Variants in MIB1 observed in about 807,000 individuals in gnomAD.
MIB1 encodes MIB E3 ubiquitin protein ligase 1.
Under a neutral mutation model 124.5 loss-of-function variants are expected in MIB1, and 278 were observed. The observed-to-expected ratio is 2.23, with a 90% CI of 2.02 to 2.47. The LOEUF (loss-of-function observed/expected upper bound fraction) is 2.47, where lower values mean the gene tolerates loss of function less well. Among genes scored for constraint, MIB1 ranks in the 30% most tolerant of loss-of-function variants. MIB1 has a pLI of 0.00. For synonymous variants in MIB1, 446 were observed against 429.4 expected, an observed-to-expected ratio of 1.04 and a Z score of -0.48; for missense variants, 957 against 1,254.4, an observed-to-expected ratio of 0.76 and a Z score of 3.58.
intron 1 of MIB1, among the ~76,000 whole-genome samples, chr18:21,730,234 C>T (rs2040762342): frequency 6.6e-6 from 1 of 152,098 alleles, no homozygotes; most frequent in Non-Finnish European, 1.5e-5. Flanking sequence ...CTTTCTTCGG[C>T]TCATATTTCT....
rs1475372146 is a variant in MIB1 at position 21,870,773 on chromosome 18, A to G, written c.*6107A>G. ...TTTAAGAGGAAAAACATCTGAAAAA[A>G]TATCTTTTGTTTATTTGAAAAAAGC... On this transcript the variant is annotated 3_prime_UTR_variant, in exon 21 of 21. Coordinates refer to ENST00000261537, the MANE Select transcript of MIB1 (RefSeq NM_020774.4). 1 of 152,200 alleles carries G rather than the reference A, an allele frequency of 6.6e-6. No homozygotes were observed. Among genetic ancestry groups the G allele is most frequent in the Non-Finnish European group, 1.5e-5 (1 of 68,024 alleles). 9.4% of individuals were successfully genotyped at this position (152,200 alleles called of 1,614,324 possible).
chr18:21,796,528 C>G (rs374658848), intron 7 of MIB1, among the ~76,000 whole-genome samples: 1 of 152,136 alleles, frequency 6.6e-6, no homozygotes, highest in African/African-American at 2.4e-5. Context: ...CAAACCTGCA[C>G]TTTCTGCACA....
chr18:21,769,287 T>TG, intron 3 of MIB1, among the ~76,000 whole-genome samples: 1 of 152,190 alleles, frequency 6.6e-6, no homozygotes, highest in South Asian at 2.1e-4. Flanking sequence ...TGGCAGGGAA[T>TG]GGGGGTGAAG....
chr18:21,869,795 GA>G lies in MIB1; in HGVS notation c.*5139del, dbSNP rs35282916. The G allele has an allele frequency of 0.95, 143,868 of 151,166 alleles. 68,620 individuals are homozygous for G. The highest frequency in any genetic ancestry group is 0.99 in the Middle Eastern group (292 of 294). 9.4% of individuals were successfully genotyped at this position (151,166 alleles called of 1,614,324 possible). ...AGATTGTCTTCCCCTCAAATGAGGG[GA>G]AAAAAAAAAGACCCTTTGTTCAAAT... On this transcript the variant is annotated 3_prime_UTR_variant, in exon 21 of 21. Coordinates refer to ENST00000261537, the MANE Select transcript of MIB1 (RefSeq NM_020774.4).
intron 1 of MIB1, among the ~76,000 whole-genome samples, chr18:21,717,461 C>T (rs928057983): frequency 6.6e-6 from 1 of 152,092 alleles, no homozygotes; most frequent in African/African-American, 2.4e-5. Flanking sequence ...AACAGACAAC[C>T]CACAGAGTGG....
chr18:21,749,641 C>CTTTTTTTTTTTTT lies in MIB1; in HGVS notation c.229+7833_229+7845dup, dbSNP rs10653364. 2.3e-4 allele frequency among the ~76,000 whole-genome samples: 26 copies of CTTTTTTTTTTTTT among 114,536 alleles called. 1 individual carries two copies. The highest frequency in any genetic ancestry group is 4.6e-4 in the African/African-American group (11 of 23,830). The allele number at this position is 114,536 out of a possible 152,430, so 75.1% of individuals were successfully genotyped here. A position where few individuals can be genotyped will look rare whatever the true frequency, so the allele number is the denominator to read the frequency against. ...TTTTTCTAATTACTGCTACCTTACTCTTTTTTTTTTTTTTTTGAAATGGAG... is the reference window on the plus strand; with the variant it reads ...TTTTTCTAATTACTGCTACCTTACTCTTTTTTTTTTTTTTTTTTTTTTTTTTTTTGAAATGGAG... On this transcript the variant is annotated intron_variant, in intron 1 of 20. Coordinates refer to ENST00000261537, the MANE Select transcript of MIB1 (RefSeq NM_020774.4).
chr18:21,837,062 A>G (rs2042040035), intron 12 of MIB1, among the ~76,000 whole-genome samples: 1 of 152,216 alleles, frequency 6.6e-6, no homozygotes, highest in Non-Finnish European at 1.5e-5. Flanking sequence ...TAATAGGTAA[A>G]GATTTTGACA....
At chr18:21,724,757 T>A (rs1361886703) in intron 1 of MIB1, among the ~76,000 whole-genome samples, 1 of 101,718 alleles carries the variant, frequency 9.8e-6, no homozygotes, top group African/African-American at 3.9e-5. Context: ...TATATATATA[T>A]ATATATATAT....
Position 21,798,076 on chromosome 18 carries a change from T to C in MIB1, c.1093-8T>C. 1.2e-6 allele frequency: 2 copies of C among 1,611,990 alleles called. No individual in the cohort carries two copies. The highest frequency in any genetic ancestry group is 1.7e-6 in the Non-Finnish European group (2 of 1,178,634). On this transcript the variant is annotated splice_polypyrimidine_tract_variant and splice_region_variant and intron_variant, in intron 7 of 20. Coordinates refer to ENST00000261537, the MANE Select transcript of MIB1 (RefSeq NM_020774.4). The stretch of plus-strand genomic sequence containing the variant: ...ACTTGGAAACATGAATCTATTTTTT[T>C]CCCCAAGACTTTAGGTAAAGTTGGC...
In MIB1 at chr18:21,853,365, G is replaced by A. The variant is rs1159513606; in HGVS notation, c.2665+147G>A. On this transcript the variant is annotated intron_variant, in intron 18 of 20. Coordinates refer to ENST00000261537, the MANE Select transcript of MIB1 (RefSeq NM_020774.4). ...TCGAGTACCTTCTATTTCTTTCTCT[G>A]TACTAGAACGTCAGCTGTTTCCCTC... The A allele has an allele frequency of 4.9e-6, 3 of 607,234 alleles. No homozygotes were observed. The East Asian group carries it at 8.3e-5, about 17-fold the overall frequency. 37.6% of individuals were successfully genotyped at this position (607,234 alleles called of 1,614,324 possible). A position where few individuals can be genotyped will look rare whatever the true frequency, so the allele number is the denominator to read the frequency against.
intron 1 of MIB1, among the ~76,000 whole-genome samples, chr18:21,746,434 A>G (rs542616643): frequency 5.6e-4 from 86 of 152,312 alleles, no homozygotes; most frequent in Non-Finnish European, 1.0e-3. Flanking sequence ...TTTGAGTGAT[A>G]TAACGTCTGT....
chr18:21,778,480 T>C (rs1305851513), intron 5 of MIB1, among the ~76,000 whole-genome samples: 3 of 152,184 alleles, frequency 2.0e-5, no homozygotes, highest in Admixed American at 2.0e-4. Context: ...TTATACACTA[T>C]TGAGAATAGG....
chr18:21,718,996 C>T (rs921899795), intron 1 of MIB1, among the ~76,000 whole-genome samples: 2 of 152,036 alleles, frequency 1.3e-5, no homozygotes, highest in African/African-American at 4.8e-5. Context: ...TGAGACCAGC[C>T]TGACCAACAT....
intron 13 of MIB1, among the ~76,000 whole-genome samples, chr18:21,841,093 C>G (rs9962689): frequency 0.016 from 2,458 of 151,638 alleles, 61 homozygotes; most frequent in African/African-American, 0.052. Context: ...TGGCTGGGTG[C>G]GGTGGCTCAT....
intron 10 of MIB1, among the ~76,000 whole-genome samples, chr18:21,810,504 A>G (rs1315705474): frequency 6.6e-6 from 1 of 152,088 alleles, no homozygotes; most frequent in Non-Finnish European, 1.5e-5. Context: ...ACAAGGCAAC[A>G]GTAATCAAGA....
In MIB1 at chr18:21,849,395, T is replaced by G. The variant is rs2042163169; in HGVS notation, c.2586+7T>G. ...GGTTCAATCCAGGACAAAGGTAAGA[T>G]ATATTTAATATAGTATTTTGTCATT... is the stretch of plus-strand genomic sequence containing the variant. On this transcript the variant is annotated splice_region_variant and intron_variant, in intron 17 of 20. Coordinates refer to ENST00000261537, the MANE Select transcript of MIB1 (RefSeq NM_020774.4). 6.6e-7 allele frequency: 1 copy of G among 1,504,430 alleles called. No homozygotes were observed. Among genetic ancestry groups the G allele is most frequent in the South Asian group, 1.3e-5 (1 of 78,430 alleles). The allele number at this position is 1,504,430 out of a possible 1,614,324, so 93.2% of individuals were successfully genotyped here. A position where few individuals can be genotyped will look rare whatever the true frequency, so the allele number is the denominator to read the frequency against.
chr18:21,759,261 G>T (rs998912662), intron 1 of MIB1, among the ~76,000 whole-genome samples: 1 of 150,454 alleles, frequency 6.6e-6, no homozygotes, highest in Non-Finnish European at 1.5e-5. Flanking sequence ...ATATTTTTTT[G>T]AGACGGAGTT....
chr18:21,746,261 AC>A (rs1449124167), intron 1 of MIB1, among the ~76,000 whole-genome samples: 1 of 152,220 alleles, frequency 6.6e-6, no homozygotes, highest in African/African-American at 2.4e-5. Context: ...TCTTTCTGAT[AC>A]GATTTTTCTC....
intron 3 of MIB1, among the ~76,000 whole-genome samples, chr18:21,771,075 G>A (rs142972299): frequency 1.4e-4 from 22 of 152,268 alleles, no homozygotes; most frequent in African/African-American, 4.3e-4. Flanking sequence ...TCTGCTATTA[G>A]TGATGTTAAG....
Sources: gnomAD v4.1 joint callset for allele counts (sites outside exome capture counted in the v4.1 genomes callset) on GRCh38, gnomAD v4.1.1 for gene constraint, MANE v1.5 for transcripts, NCBI Gene and HGNC (gene_info 2026-07-23, HGNC 2026-07-21) for gene names.